Variants in LAMA3 observed in about 807,000 individuals in gnomAD.
LAMA3 encodes laminin subunit alpha 3.
Under a neutral mutation model 402.0 loss-of-function variants are expected in LAMA3, and 281 were observed. The ratio of observed to expected loss-of-function variants is 0.70; its 90% CI spans 0.63 to 0.77. LAMA3 has a LOEUF of 0.77. LAMA3 is among the 30% of genes least tolerant of loss of function. LAMA3 has a pLI of 0.00. For missense variants in LAMA3, 3,840 were observed against 4,215.5 expected, an observed-to-expected ratio of 0.91 and a Z score of 2.47; for synonymous variants, 1,431 against 1,558.4, an observed-to-expected ratio of 0.92 and a Z score of 1.93.
chr18:23,928,671 C>T lies in LAMA3; in HGVS notation c.8342C>T (p.Thr2781Ile). 6.2e-7 allele frequency: 1 copy of T among 1,613,830 alleles called. No homozygotes were observed. Among genetic ancestry groups the T allele is most frequent in the South Asian group, 1.1e-5 (1 of 91,076 alleles). Reference sequence around the variant, plus strand: ...TCCAGAGGAGGACAATTGAGTTTCACTGATTTGGGCTTACCACCTACTGAC... The same window carrying T: ...TCCAGAGGAGGACAATTGAGTTTCATTGATTTGGGCTTACCACCTACTGAC... ...SFSRGGQLSF[T>I]DLGLPPTDHL... The change falls in exon 64 of 75, where the codon ACT becomes ATT. Residue 2781 changes from threonine (T) to isoleucine (I), a missense_variant. Transcript: ENST00000313654.
chr18:23,765,867 A>G (rs1432499697), intron 8 of LAMA3, among the ~76,000 whole-genome samples: 2 of 152,190 alleles, frequency 1.3e-5, no homozygotes, highest in Non-Finnish European at 2.9e-5. Context: ...AATAGAAGAA[A>G]GAGTCAGTGA....
At chr18:23,761,902 A>C (rs905321736) in intron 7 of LAMA3, among the ~76,000 whole-genome samples, 24 of 152,238 alleles carry the variant, frequency 1.6e-4, no homozygotes, top group Non-Finnish European at 3.4e-4. Flanking sequence ...GTTTAATTGC[A>C]ATTAAATAAA....
intron 32 of LAMA3, 27 bp from the exon 33 acceptor site, chr18:23,857,817 T>G (rs2064118837): frequency 6.2e-7 from 1 of 1,614,036 alleles, no homozygotes; most frequent in South Asian, 1.1e-5. Flanking sequence ...AAGATGATGA[T>G]TTTTGCTTCC....
chr18:23,787,867 A>G (rs1466090907), intron 12 of LAMA3, among the ~76,000 whole-genome samples: 1 of 152,208 alleles, frequency 6.6e-6, no homozygotes, highest in Non-Finnish European at 1.5e-5. Context: ...TCAAATAATA[A>G]TTTGAATAAC....
chr18:23,861,651 G>T lies in LAMA3; in HGVS notation c.4428G>T (p.Val1476=). Reference sequence around the variant, plus strand: ...GCTTCTCTCCCTCTTTCCAGTTTGTGGATATGCTGGGCTGGCACCTGGAGA... The same window carrying T: ...GCTTCTCTCCCTCTTTCCAGTTTGTTGATATGCTGGGCTGGCACCTGGAGA... ...HSSHKRRTKF[V]DMLGWHLETA... Residue 1476 remains valine, a synonymous_variant, in exon 35 of 75, where the codon GTG becomes GTT. Transcript: ENST00000313654. 1 of 1,614,168 alleles carries T rather than the reference G, an allele frequency of 6.2e-7. No homozygotes were observed. Among genetic ancestry groups the T allele is most frequent in the African/African-American group, 1.3e-5 (1 of 75,046 alleles).
Position 23,954,411 on chromosome 18 carries a change from A to AT in LAMA3, c.9857-92_9857-91insT, listed in dbSNP as rs988214138. ...GAGCAGGACCCTGTCTAAAAAAAAA[A>AT]AAAAAAAAAAAATACTATCTTTTAA... On this transcript the variant is annotated intron_variant, in intron 74 of 74. Transcript: ENST00000313654. The AT allele has an allele frequency of 2.5e-6, 3 of 1,183,318 alleles. No individual in the cohort carries two copies. The African/African-American group carries it at 4.6e-5, about 18-fold the overall frequency. The allele number at this position is 1,183,318 out of a possible 1,614,324, so 73.3% of individuals were successfully genotyped here.
At chr18:23,802,645 G>T (rs749210976) in intron 12 of LAMA3, among the ~76,000 whole-genome samples, 1 of 152,094 alleles carries the variant, frequency 6.6e-6, no homozygotes, top group Admixed American at 6.6e-5. Flanking sequence ...TGATCGTCAC[G>T]TCTCCTGGTA....
chr18:23,708,999 C>T (rs776125616), intron 1 of LAMA3, among the ~76,000 whole-genome samples: 1 of 152,066 alleles, frequency 6.6e-6, no homozygotes, highest in Non-Finnish European at 1.5e-5. Flanking sequence ...AAGTGATCCT[C>T]CTGCCTCAGC....
intron 12 of LAMA3, among the ~76,000 whole-genome samples, chr18:23,793,105 G>C (rs1311750509): frequency 6.6e-6 from 1 of 152,176 alleles, no homozygotes; most frequent in Non-Finnish European, 1.5e-5. Flanking sequence ...AATGGGCAGG[G>C]ATAAGCAGGT....
intron 20 of LAMA3, among the ~76,000 whole-genome samples, chr18:23,823,244 T>C (rs150635964): frequency 3.3e-5 from 5 of 152,084 alleles, no homozygotes; most frequent in African/African-American, 1.2e-4. Context: ...TCATAAGAAC[T>C]TGGCAAACTG....
intron 2 of LAMA3, among the ~76,000 whole-genome samples, chr18:23,746,802 A>G (rs979972132): frequency 6.6e-6 from 1 of 151,874 alleles, no homozygotes; most frequent in African/African-American, 2.4e-5. Flanking sequence ...GAGACCAAAA[A>G]GTTTGAGTCT....
chr18:23,731,565 A>G (rs576954274), intron 2 of LAMA3, among the ~76,000 whole-genome samples: 5 of 152,366 alleles, frequency 3.3e-5, no homozygotes, highest in African/African-American at 1.2e-4. Flanking sequence ...GTGTGCAGTC[A>G]TGGCATGAAG....
intron 2 of LAMA3, among the ~76,000 whole-genome samples, chr18:23,735,600 C>T (rs940011251): frequency 3.3e-5 from 5 of 152,182 alleles, no homozygotes; most frequent in African/African-American, 1.2e-4. Flanking sequence ...GGTGCGCTCA[C>T]TGCTGTGGGC....
At chr18:23,906,269 C>A (rs1008413894) in intron 52 of LAMA3, among the ~76,000 whole-genome samples, 1 of 152,046 alleles carries the variant, frequency 6.6e-6, no homozygotes, top group Non-Finnish European at 1.5e-5. Context: ...CATTGGCAAC[C>A]CCACATGTCA....
intron 23 of LAMA3, 142 bp downstream of exon 23, chr18:23,827,609 T>A: frequency 1.0e-6 from 1 of 955,250 alleles, no homozygotes; most frequent in Non-Finnish European, 1.6e-6. Context: ...TTTGCTGAAC[T>A]ATCTGATTTA....
chr18:23,752,615 C>G (rs1346028540), intron 5 of LAMA3, among the ~76,000 whole-genome samples: 1 of 152,124 alleles, frequency 6.6e-6, no homozygotes, highest in African/African-American at 2.4e-5. Context: ...CAGTGGCCAG[C>G]AGGAAAGCCC....
At chr18:23,849,502 C>A (rs953041092) in intron 32 of LAMA3, among the ~76,000 whole-genome samples, 1 of 152,152 alleles carries the variant, frequency 6.6e-6, no homozygotes, top group African/African-American at 2.4e-5. Context: ...AACAATAAAT[C>A]GCTGCAAATG....
At chr18:23,794,144 T>C (rs2062717599) in intron 12 of LAMA3, among the ~76,000 whole-genome samples, 1 of 152,222 alleles carries the variant, frequency 6.6e-6, no homozygotes. Context: ...CCTCCTGGGT[T>C]TTTAAGGAAG....
intron 1 of LAMA3, among the ~76,000 whole-genome samples, chr18:23,708,567 G>T (rs997957070): frequency 6.6e-6 from 1 of 151,944 alleles, no homozygotes; most frequent in Non-Finnish European, 1.5e-5. Flanking sequence ...GATACTTGAT[G>T]TTCTCTGAGA....
Sources: allele counts gnomAD v4.1 joint callset (sites outside exome capture counted in the v4.1 genomes callset), GRCh38; gene constraint gnomAD v4.1.1; transcripts MANE v1.5; gene names NCBI Gene and HGNC (gene_info 2026-07-23, HGNC 2026-07-21).